The following SPDYE18 variants were observed in gnomAD, a reference collection of about 807,000 sequenced individuals.
SPDYE18 encodes speedy/RINGO cell cycle regulator family member E18.
Under a neutral mutation model 44.9 loss-of-function variants are expected in SPDYE18, and 6 were observed. The ratio of observed to expected loss-of-function variants is 0.13; its 90% CI spans 0.07 to 0.26. SPDYE18 has a LOEUF of 0.26. Among genes scored for constraint, SPDYE18 ranks in the 10% least tolerant of loss-of-function variants. SPDYE18 has a pLI of 1.00. For missense variants in SPDYE18, 121 were observed against 463.2 expected (o/e 0.26, Z 6.78); for synonymous variants, 35 against 177.1 (o/e 0.20, Z 6.37).
rs1161178107 is a variant in SPDYE18, at chr7:77,051,155, G to T, written c.*770C>A. ...ACTACCAATAGCTATAAATAGAAGA[G>T]ATTTTTATGGAAGTATCATAGATAA... is the stretch of plus-strand genomic sequence containing the variant. On this transcript the variant is annotated 3_prime_UTR_variant, in exon 9 of 9. Coordinates refer to ENST00000510091, the MANE Select transcript of SPDYE18 (RefSeq NM_001394953.1). 2.6e-5 allele frequency among the ~76,000 whole-genome samples: 4 copies of T among 151,902 alleles called. No individual in the cohort carries two copies. The highest frequency in any genetic ancestry group is 4.8e-5 in the African/African-American group (2 of 41,446).
chr7:77,061,013 T>C (rs140860828), intron 1 of SPDYE18, among the ~76,000 whole-genome samples, 80 bp from the exon 2 acceptor site: 9,077 of 106,930 alleles, frequency 0.085, 364 homozygotes, highest in Non-Finnish European at 0.12. Flanking sequence ...GAGATTATCA[T>C]GTACAAGAGT....
intron 8 of SPDYE18, among the ~76,000 whole-genome samples, 189 bp downstream of exon 8, chr7:77,052,544 C>T (rs1480202162): frequency 1.3e-5 from 2 of 152,244 alleles, no homozygotes; most frequent in East Asian, 1.9e-4. Context: ...CAGCGATCCT[C>T]CCGCCTCAGC....
chr7:77,050,584 T>C lies in SPDYE18; in HGVS notation c.*1341A>G, dbSNP rs1789769621. Reference sequence around the variant, plus strand: ...TCTCACATTTCAAACATATATGAAATATCAAATAAAAATTTATTTTTACAA... The same window carrying C: ...TCTCACATTTCAAACATATATGAAACATCAAATAAAAATTTATTTTTACAA... On this transcript the variant is annotated 3_prime_UTR_variant, in exon 9 of 9. Coordinates refer to ENST00000510091, the MANE Select transcript of SPDYE18 (RefSeq NM_001394953.1). 2.0e-5 allele frequency among the ~76,000 whole-genome samples: 3 copies of C among 152,170 alleles called. No homozygotes were observed. The highest frequency in any genetic ancestry group is 4.8e-5 in the African/African-American group (2 of 41,472).
At position 77,051,291 on chromosome 7, in the gene SPDYE18, TTATG is replaced by T. The variant is rs1249852989; in HGVS notation, c.*630_*633del. 3.9e-5 allele frequency among the ~76,000 whole-genome samples: 6 copies of T among 152,198 alleles called. No individual in the cohort carries two copies. Among genetic ancestry groups the T allele is most frequent in the African/African-American group, 1.4e-4 (6 of 41,440 alleles). On this transcript the variant is annotated 3_prime_UTR_variant, in exon 9 of 9. Transcript: ENST00000510091. ...CTTAAAAATGAAAAGAAAATTATCTTTATGTATATATAACAACTATAACTCTCAT... is the reference window on the plus strand; with the variant it reads ...CTTAAAAATGAAAAGAAAATTATCTTTATATATAACAACTATAACTCTCAT...
intron 5 of SPDYE18, among the ~76,000 whole-genome samples, chr7:77,055,784 A>G (rs1286783391): frequency 2.1e-5 from 3 of 141,004 alleles, no homozygotes; most frequent in Non-Finnish European, 4.6e-5. Context: ...CTGACAAATC[A>G]TAAAAAGACC....
intron 4 of SPDYE18, among the ~76,000 whole-genome samples, chr7:77,057,012 G>A (rs1219929810): frequency 6.6e-6 from 1 of 152,198 alleles, no homozygotes; most frequent in Non-Finnish European, 1.5e-5. Flanking sequence ...GTCAGTAAGA[G>A]ACTTTAAGTT....
chr7:77,058,160 C>G (rs1789959884), intron 3 of SPDYE18, among the ~76,000 whole-genome samples: 1 of 107,582 alleles, frequency 9.3e-6, no homozygotes, highest in Non-Finnish European at 1.8e-5. Context: ...GAGAAACAGT[C>G]TTGCTTTGTG....
chr7:77,058,568 G>A (rs1473688950), intron 3 of SPDYE18, among the ~76,000 whole-genome samples: 57 of 142,264 alleles, frequency 4.0e-4, no homozygotes, highest in African/African-American at 1.3e-3. Context: ...ATGCAGTGGC[G>A]CTATCTTGGC....
chr7:77,052,189 A>G (rs1381202660), intron 8 of SPDYE18, among the ~76,000 whole-genome samples: 1 of 145,100 alleles, frequency 6.9e-6, no homozygotes, highest in Non-Finnish European at 1.5e-5. Flanking sequence ...GGACTTCATC[A>G]TAGCTGGGGC....
chr7:77,059,600 A>T lies in SPDYE18; in HGVS notation c.161-202T>A, dbSNP rs547674392. Among the ~76,000 whole-genome samples, 4 of 151,240 alleles carry T rather than the reference A, an allele frequency of 2.6e-5. No individual in the cohort carries two copies. In the South Asian group the frequency reaches 8.5e-4, roughly 32 times the overall value. On this transcript the variant is annotated intron_variant, in intron 2 of 8. Coordinates refer to ENST00000510091, the MANE Select transcript of SPDYE18 (RefSeq NM_001394953.1). ...ATTCTTCTCTCTCTCTGTCCTCCGA[A>T]CACTGCTTCATGTCCTTCCCTGGTC... is the stretch of plus-strand genomic sequence containing the variant.
intron 2 of SPDYE18, 113 bp downstream of exon 2, chr7:77,060,240 G>T: frequency 6.7e-7 from 1 of 1,488,724 alleles, no homozygotes; most frequent in East Asian, 2.5e-5. Flanking sequence ...CAGGTGATTC[G>T]CCCGCCTCGG....
At position 77,051,595 on chromosome 7, in the gene SPDYE18, A is replaced by C. The variant is rs375198401; in HGVS notation, c.*330T>G. Among the ~76,000 whole-genome samples the C allele has an allele frequency of 5.9e-5, 9 of 152,360 alleles. No individual in the cohort carries two copies. The highest frequency in any genetic ancestry group is 3.9e-4 in the East Asian group (2 of 5,184). On this transcript the variant is annotated 3_prime_UTR_variant, in exon 9 of 9. Coordinates refer to ENST00000510091, the MANE Select transcript of SPDYE18 (RefSeq NM_001394953.1). Reference sequence around the variant, plus strand: ...CCAGGTTCCGGCCCAGGGAGGTTGGAATTCAGCAATATAGAAAGGGTGGTG... The same window carrying C: ...CCAGGTTCCGGCCCAGGGAGGTTGGCATTCAGCAATATAGAAAGGGTGGTG...
At position 77,051,245 on chromosome 7, in the gene SPDYE18, T is replaced by G. The variant is rs1456487170; in HGVS notation, c.*680A>C. 6.6e-6 allele frequency among the ~76,000 whole-genome samples: 1 copy of G among 152,162 alleles called. No homozygotes were observed. The highest frequency in any genetic ancestry group is 2.4e-5 in the African/African-American group (1 of 41,470). Reference sequence around the variant, plus strand: ...AACAAATTTAAAGATAATAAAATATTTAGGATAAAAAGAATTGTCTCTTAA... The same window carrying G: ...AACAAATTTAAAGATAATAAAATATGTAGGATAAAAAGAATTGTCTCTTAA... On this transcript the variant is annotated 3_prime_UTR_variant, in exon 9 of 9. Coordinates refer to ENST00000510091, the MANE Select transcript of SPDYE18 (RefSeq NM_001394953.1).
chr7:77,053,788 G>C (rs1012244775), intron 6 of SPDYE18, among the ~76,000 whole-genome samples: 2 of 151,630 alleles, frequency 1.3e-5, no homozygotes, highest in African/African-American at 4.8e-5. Flanking sequence ...GCAGTGAGTC[G>C]AGATTGGGCC....
At chr7:77,054,538 T>A (rs1789881959) in intron 6 of SPDYE18, among the ~76,000 whole-genome samples, 1 of 150,728 alleles carries the variant, frequency 6.6e-6, no homozygotes, top group Admixed American at 6.6e-5. Context: ...ATTCGAGTGA[T>A]GCGAGGGGGA....
rs1583976429 is a variant in SPDYE18, at chr7:77,055,728, C to A, written c.670-407G>T. On this transcript the variant is annotated intron_variant, in intron 5 of 8. Coordinates refer to ENST00000510091, the MANE Select transcript of SPDYE18 (RefSeq NM_001394953.1). Reference sequence around the variant, plus strand: ...AAAGGACCCATAGGAGAGGCAGGGGCCACTCATTCACTCTGCAAGAGACCA... The same window carrying A: ...AAAGGACCCATAGGAGAGGCAGGGGACACTCATTCACTCTGCAAGAGACCA... 3.0e-5 allele frequency among the ~76,000 whole-genome samples: 2 copies of A among 66,590 alleles called. 1 individual carries two copies. The highest frequency in any genetic ancestry group is 2.4e-4 in the African/African-American group (2 of 8,376). The allele number at this position is 66,590 out of a possible 152,430, so 43.7% of individuals were successfully genotyped here. A position where few individuals can be genotyped will look rare whatever the true frequency, so the allele number is the denominator to read the frequency against.
rs1789845266 is a variant in SPDYE18 at position 77,053,154 on chromosome 7, T to A, written c.805A>T (p.Ile269Phe). Residue 269 changes from isoleucine (I) to phenylalanine (F), a missense_variant, in exon 7 of 9, where the codon ATC becomes TTC. Physicochemically the swap from Ile to Phe is conservative, Grantham distance 21 (BLOSUM62 0). Transcript: ENST00000510091. Reference sequence around the variant, plus strand: ...GTCTTCCCATACAGGAAGTAGAAGATGTTTTGTTTGGGGTCCTCGTCGTCC... The same window carrying A: ...GTCTTCCCATACAGGAAGTAGAAGAAGTTTTGTTTGGGGTCCTCGTCGTCC... ...EEDDEDPKQN[I>F]FYFLYGKTRS... is the part of the protein sequence containing the mutation. 6.2e-7 allele frequency: 1 copy of A among 1,613,942 alleles called. No homozygotes were observed. The highest frequency in any genetic ancestry group is 8.5e-7 in the Non-Finnish European group (1 of 1,180,040).
At chr7:77,054,758 TG>T (rs1237243137) in intron 6 of SPDYE18, among the ~76,000 whole-genome samples, 2 of 140,556 alleles carry the variant, frequency 1.4e-5, no homozygotes, top group East Asian at 2.1e-4. Flanking sequence ...CATTGGAGTT[TG>T]TTTTTTTGGC....
chr7:77,056,991 G>A (rs1446840658), intron 4 of SPDYE18, among the ~76,000 whole-genome samples: 2 of 152,202 alleles, frequency 1.3e-5, no homozygotes, highest in Admixed American at 1.3e-4. Flanking sequence ...GAGACACTTA[G>A]GTTTAGAAAA....
Sources: allele counts gnomAD v4.1 joint callset (sites outside exome capture counted in the v4.1 genomes callset), GRCh38; gene constraint gnomAD v4.1.1; transcripts MANE v1.5; gene names NCBI Gene and HGNC (gene_info 2026-07-23, HGNC 2026-07-21).